Variants in PXDNL observed in about 807,000 individuals in gnomAD.
PXDNL encodes the protein peroxidasin like, also known as probable oxidoreductase PXDNL.
In PXDNL, 145 loss-of-function variants were observed where a neutral mutation model predicts 150.8. That is an observed-to-expected ratio of 0.96 (90% confidence interval 0.84 to 1.10). The LOEUF is 1.10. Ranked by LOEUF, PXDNL falls within the 50% of genes least tolerant of loss-of-function variation. The probability of loss-of-function intolerance (pLI) is 0.00; values close to 1 mark genes in which losing one functional copy is unlikely to be tolerated. For missense variants in PXDNL, 2,087 were observed against 1,873.9 expected (o/e 1.11, Z -2.10); for synonymous variants, 757 against 725.7 (o/e 1.04, Z -0.69).
At chr8:51,512,377 GAGA>G (rs1308384436) in intron 4 of PXDNL, among the ~76,000 whole-genome samples, 4 of 152,204 alleles carry the variant, frequency 2.6e-5, no homozygotes, top group Non-Finnish European at 5.9e-5. Context: ...AGAGAAATCA[GAGA>G]AGAAGGACCT....
intron 19 of PXDNL, among the ~76,000 whole-genome samples, chr8:51,367,875 C>A (rs1806968707): frequency 6.6e-6 from 1 of 152,190 alleles, no homozygotes; most frequent in African/African-American, 2.4e-5. Flanking sequence ...TGCCTGTAAT[C>A]CCAGCATTCT....
intron 12 of PXDNL, among the ~76,000 whole-genome samples, chr8:51,443,587 T>C (rs749499227): frequency 3.9e-5 from 6 of 152,234 alleles, no homozygotes; most frequent in Non-Finnish European, 8.8e-5. Flanking sequence ...ATTTATGTGT[T>C]CATTTTAAAA....
intron 4 of PXDNL, among the ~76,000 whole-genome samples, chr8:51,531,176 G>A (rs1172380162): frequency 6.6e-6 from 1 of 152,208 alleles, no homozygotes; most frequent in East Asian, 1.9e-4. Context: ...GCCCCCAAAA[G>A]TGTGTCAGCT....
intron 4 of PXDNL, among the ~76,000 whole-genome samples, chr8:51,549,655 T>C (rs1473251454): frequency 6.6e-6 from 1 of 152,044 alleles, no homozygotes; most frequent in Non-Finnish European, 1.5e-5. Flanking sequence ...ACACAACTTA[T>C]CAAAACCTCT....
intron 1 of PXDNL, among the ~76,000 whole-genome samples, chr8:51,719,665 C>T (rs1816689710): frequency 6.6e-6 from 1 of 151,688 alleles, no homozygotes; most frequent in Admixed American, 6.6e-5. Context: ...ACTATTTCTA[C>T]CTTCTAATGA....
chr8:51,570,005 C>T (rs1176334406), intron 3 of PXDNL, among the ~76,000 whole-genome samples: 2 of 151,954 alleles, frequency 1.3e-5, no homozygotes, highest in Non-Finnish European at 2.9e-5. Flanking sequence ...TGCAGAGCAG[C>T]TTTAGCAGCA....
intron 1 of PXDNL, among the ~76,000 whole-genome samples, chr8:51,710,668 C>T (rs896977749): frequency 2.6e-5 from 4 of 152,138 alleles, no homozygotes; most frequent in African/African-American, 9.7e-5. Context: ...ATTTTAGATC[C>T]CCCATAGGAG....
chr8:51,607,106 C>T (rs1264763835), intron 2 of PXDNL, among the ~76,000 whole-genome samples: 1 of 152,142 alleles, frequency 6.6e-6, no homozygotes, highest in Admixed American at 6.5e-5. Flanking sequence ...TTTACTTGAT[C>T]CACATCTTTA....
intron 14 of PXDNL, among the ~76,000 whole-genome samples, chr8:51,422,221 A>T (rs1050952862): frequency 2.6e-5 from 4 of 152,140 alleles, no homozygotes; most frequent in African/African-American, 9.7e-5. Flanking sequence ...GGTGAGTTGT[A>T]TAATTATTTC....
At chr8:51,488,644 A>C (rs1439273837) in intron 5 of PXDNL, among the ~76,000 whole-genome samples, 1 of 152,244 alleles carries the variant, frequency 6.6e-6, no homozygotes, top group African/African-American at 2.4e-5. Flanking sequence ...TTTTACATCC[A>C]ATTGTTCAAA....
intron 1 of PXDNL, among the ~76,000 whole-genome samples, chr8:51,771,391 AAAATAAACATTT>A (rs372375921): frequency 6.6e-5 from 10 of 152,224 alleles, no homozygotes; most frequent in African/African-American, 2.4e-4. Context: ...ATTTAGAGGA[AAAATAAACATTT>A]AAATTATGAA....
rs561850060 is a variant in PXDNL, at chr8:51,445,471, A to T, written c.1525+1533T>A. Among the ~76,000 whole-genome samples the T allele has an allele frequency of 2.8e-4, 43 of 152,298 alleles. 1 individual carries two copies. Among genetic ancestry groups the T allele is most frequent in the African/African-American group, 9.4e-4 (39 of 41,558 alleles). On this transcript the variant is annotated intron_variant, in intron 12 of 22. Transcript: ENST00000356297. ...TTTCTCACCTACGGATATGTAGTAGATTTATCAAATTCTTCTACATATGTC... is the reference window on the plus strand; with the variant it reads ...TTTCTCACCTACGGATATGTAGTAGTTTTATCAAATTCTTCTACATATGTC...
intron 4 of PXDNL, among the ~76,000 whole-genome samples, chr8:51,546,689 G>A (rs1406830031): frequency 1.3e-5 from 2 of 152,218 alleles, no homozygotes; most frequent in Non-Finnish European, 2.9e-5. Context: ...GTGCAGGCAG[G>A]CAGGGAGGGG....
rs569762504 is a variant in PXDNL, at chr8:51,565,321, A to AATAAATAAATAAATAGATAGATAG, written c.309-8411_309-8410insCTATCTATCTATTTATTTATTTAT. ...AAATAAATAAATAAATAAATAAATA[A>AATAAATAAATAAATAGATAGATAG]ATAGATAGATAGATAGATAGATAAA... is the stretch of plus-strand genomic sequence containing the variant. On this transcript the variant is annotated intron_variant, in intron 3 of 22. Transcript: ENST00000356297. 3.1e-4 allele frequency among the ~76,000 whole-genome samples: 42 copies of AATAAATAAATAAATAGATAGATAG among 135,588 alleles called. 3 individuals carry two copies. The highest frequency in any genetic ancestry group is 2.2e-3 in the South Asian group (10 of 4,446). 89.0% of individuals were successfully genotyped at this position (135,588 alleles called of 152,430 possible). A position where few individuals can be genotyped will look rare whatever the true frequency, so the allele number is the denominator to read the frequency against.
intron 5 of PXDNL, among the ~76,000 whole-genome samples, chr8:51,497,471 A>C (rs544442841): frequency 6.6e-6 from 1 of 152,348 alleles, no homozygotes; most frequent in African/African-American, 2.4e-5. Context: ...GCACAGCAAA[A>C]GAAACTACCA....
At chr8:51,761,727 A>G (rs1343473370) in intron 1 of PXDNL, among the ~76,000 whole-genome samples, 2 of 152,190 alleles carry the variant, frequency 1.3e-5, no homozygotes, top group Admixed American at 1.3e-4. Context: ...TAGTGCCTCT[A>G]AAGTTTGTTG....
At chr8:51,380,740 C>T (rs1287483315) in intron 17 of PXDNL, among the ~76,000 whole-genome samples, 1 of 152,136 alleles carries the variant, frequency 6.6e-6, no homozygotes, top group Non-Finnish European at 1.5e-5. Flanking sequence ...AAATGGAATG[C>T]TTCTAACAAT....
chr8:51,595,992 T>C (rs1813555886), intron 2 of PXDNL, among the ~76,000 whole-genome samples: 1 of 152,082 alleles, frequency 6.6e-6, no homozygotes, highest in Admixed American at 6.6e-5. Flanking sequence ...GTATGGATAA[T>C]CCCATCACCC....
intron 2 of PXDNL, among the ~76,000 whole-genome samples, chr8:51,623,896 C>A (rs1475212466): frequency 6.6e-6 from 1 of 151,958 alleles, no homozygotes; most frequent in East Asian, 1.9e-4. Context: ...GAGTTGGAGA[C>A]CAGCCTGGTC....
Sources: allele counts gnomAD v4.1 joint callset (sites outside exome capture counted in the v4.1 genomes callset), GRCh38; gene constraint gnomAD v4.1.1; transcripts MANE v1.5; gene names NCBI Gene and HGNC (gene_info 2026-07-23, HGNC 2026-07-21).